Variants in NR1H4 observed in about 807,000 individuals in gnomAD.
NR1H4 encodes the protein bile acid receptor.
NR1H4 carries 23 observed loss-of-function variants against 58.5 expected under a neutral mutation model. The ratio of observed to expected loss-of-function variants is 0.39; its 90% CI spans 0.28 to 0.56. The LOEUF (loss-of-function observed/expected upper bound fraction) is 0.56. NR1H4 is among the 20% of genes least tolerant of loss of function. The pLI, the probability that NR1H4 is intolerant of heterozygous loss-of-function variation, is 0.58. For synonymous variants in NR1H4, 214 were observed against 198.0 expected, an observed-to-expected ratio of 1.08 and a Z score of -0.68; for missense variants, 487 against 576.9, an observed-to-expected ratio of 0.84 and a Z score of 1.60.
chr12:100,547,448 C>A (rs528804382), intron 9 of NR1H4, among the ~76,000 whole-genome samples: 3 of 152,210 alleles, frequency 2.0e-5, no homozygotes, highest in East Asian at 3.9e-4. Context: ...GAGTGGCACA[C>A]CTTCCCTTTA....
chr12:100,499,017 A>G (rs984237095), intron 3 of NR1H4, among the ~76,000 whole-genome samples: 1 of 152,116 alleles, frequency 6.6e-6, no homozygotes, highest in Non-Finnish European at 1.5e-5. Flanking sequence ...TGCAGCCTTG[A>G]ACTACTGGGC....
At chr12:100,493,190 T>G (rs1417165086) in intron 2 of NR1H4, 80 bp from the exon 3 acceptor site, 14 of 679,298 alleles carry the variant, frequency 2.1e-5, no homozygotes, top group South Asian at 1.3e-4. Context: ...TCGTAAACTA[T>G]CTCGCTGTCT....
At chr12:100,520,365 A>G (rs1954383716) in intron 4 of NR1H4, among the ~76,000 whole-genome samples, 1 of 152,110 alleles carries the variant, frequency 6.6e-6, no homozygotes, top group Admixed American at 6.5e-5. Context: ...GAAAAGAATT[A>G]ATACAGAAGT....
intron 9 of NR1H4, among the ~76,000 whole-genome samples, chr12:100,542,473 C>G (rs182837603): frequency 6.6e-6 from 1 of 152,272 alleles, no homozygotes; most frequent in Admixed American, 6.5e-5. Flanking sequence ...GCTCAAGAGA[C>G]ATTGAGATGA....
chr12:100,491,582 G>A (rs545572187), intron 1 of NR1H4, among the ~76,000 whole-genome samples: 1 of 151,010 alleles, frequency 6.6e-6, no homozygotes, highest in South Asian at 2.1e-4. Context: ...TTTCCTTTGG[G>A]GTGAAGTTCA....
Position 100,522,643 on chromosome 12 carries a change from T to G in NR1H4, c.446-9815T>G, listed in dbSNP as rs958365778. Among the ~76,000 whole-genome samples the G allele has an allele frequency of 8.5e-5, 13 of 152,246 alleles. 1 individual carries two copies. Among genetic ancestry groups the G allele is most frequent in the African/African-American group, 3.1e-4 (13 of 41,558 alleles). On this transcript the variant is annotated intron_variant, in intron 4 of 10. Transcript: ENST00000392986. Reference sequence around the variant, plus strand: ...TGTATAGTGATGAATTCTGAGATTTTGTTGTACCTGTCACCAGAGTGTATA... The same window carrying G: ...TGTATAGTGATGAATTCTGAGATTTGGTTGTACCTGTCACCAGAGTGTATA...
intron 4 of NR1H4, among the ~76,000 whole-genome samples, chr12:100,514,791 T>C (rs947489643): frequency 2.0e-5 from 3 of 152,016 alleles, no homozygotes; most frequent in Non-Finnish European, 4.4e-5. Context: ...TATCAAGCAA[T>C]TATAGCATAA....
intron 9 of NR1H4, among the ~76,000 whole-genome samples, chr12:100,545,604 T>G (rs1164247483): frequency 7.7e-6 from 1 of 130,536 alleles, no homozygotes; most frequent in African/African-American, 3.0e-5. Context: ...ATTGTGCCAC[T>G]GTACTCCAGC....
intron 1 of NR1H4, among the ~76,000 whole-genome samples, chr12:100,489,062 A>C (rs375911184): frequency 9.8e-5 from 15 of 152,332 alleles, no homozygotes; most frequent in African/African-American, 3.4e-4. Context: ...GAAAGTGAAG[A>C]GTATTAGAGA....
intron 2 of NR1H4, among the ~76,000 whole-genome samples, 156 bp downstream of exon 2, chr12:100,492,793 A>T (rs1053840678): frequency 2.6e-5 from 4 of 152,226 alleles, no homozygotes; most frequent in Non-Finnish European, 5.9e-5. Flanking sequence ...TGATCTGCTG[A>T]CATAATGCCT....
At chr12:100,522,130 A>T (rs1001345486) in intron 4 of NR1H4, among the ~76,000 whole-genome samples, 6 of 149,922 alleles carry the variant, frequency 4.0e-5, no homozygotes, top group African/African-American at 1.5e-4. Flanking sequence ...GATGATGGTG[A>T]TGATGATAAT....
intron 9 of NR1H4, among the ~76,000 whole-genome samples, chr12:100,559,458 C>T (rs945879058): frequency 6.6e-6 from 1 of 152,172 alleles, no homozygotes; most frequent in East Asian, 1.9e-4. Context: ...GTGGGCTTGG[C>T]GGGCCCCTCA....
chr12:100,558,002 A>C (rs182436525), intron 9 of NR1H4, among the ~76,000 whole-genome samples: 1 of 152,230 alleles, frequency 6.6e-6, no homozygotes, highest in Admixed American at 6.5e-5. Context: ...CTCTTGTGGA[A>C]TAAAGCAATG....
intron 9 of NR1H4, among the ~76,000 whole-genome samples, chr12:100,560,219 G>C (rs971783001): frequency 6.6e-6 from 1 of 152,174 alleles, no homozygotes; most frequent in African/African-American, 2.4e-5. Context: ...AGGCCACTGG[G>C]CTCTACCAAT....
At chr12:100,540,857 G>A (rs757594673) in intron 9 of NR1H4, 39 bp downstream of exon 9, 2 of 1,609,884 alleles carry the variant, frequency 1.2e-6, no homozygotes, top group Non-Finnish European at 1.7e-6. Flanking sequence ...TTTGTTTCTA[G>A]GAGTAAAATT....
intron 10 of NR1H4, 130 bp downstream of exon 10, chr12:100,562,128 C>A: frequency 1.6e-6 from 1 of 621,572 alleles, no homozygotes; most frequent in Non-Finnish European, 2.8e-6. Context: ...TTCTGCTATC[C>A]AAATAGAACC....
intron 9 of NR1H4, among the ~76,000 whole-genome samples, chr12:100,549,439 A>G (rs1271508717): frequency 1.3e-5 from 2 of 152,178 alleles, no homozygotes; most frequent in Non-Finnish European, 2.9e-5. Flanking sequence ...CTGAAGTGTT[A>G]CACATAACTT....
intron 8 of NR1H4, among the ~76,000 whole-genome samples, chr12:100,538,481 T>A (rs2136246390): frequency 6.6e-6 from 1 of 152,330 alleles, no homozygotes; most frequent in East Asian, 1.9e-4. Flanking sequence ...CCACACTCAT[T>A]CTGATGGTGC....
At chr12:100,544,649 G>A (rs1373708556) in intron 9 of NR1H4, among the ~76,000 whole-genome samples, 1 of 152,096 alleles carries the variant, frequency 6.6e-6, no homozygotes, top group Non-Finnish European at 1.5e-5. Context: ...CCTAGCACAT[G>A]CCTGGCTTGG....
Sources: gnomAD v4.1 joint callset for allele counts (sites outside exome capture counted in the v4.1 genomes callset) on GRCh38, gnomAD v4.1.1 for gene constraint, MANE v1.5 for transcripts, NCBI Gene and HGNC (gene_info 2026-07-23, HGNC 2026-07-21) for gene names.